Variants in KCNK2 observed in about 807,000 individuals in gnomAD.
The protein encoded by KCNK2 is potassium two pore domain channel subfamily K member 2.
KCNK2 carries 21 observed loss-of-function variants against 40.5 expected under a neutral mutation model. The observed-to-expected ratio is 0.52, with a 90% confidence interval of 0.37 to 0.75. KCNK2 has a LOEUF of 0.75. KCNK2 is among the 30% of genes least tolerant of loss of function. The pLI, the probability that KCNK2 is intolerant of heterozygous loss-of-function variation, is 0.00. For missense variants in KCNK2, 399 were observed against 531.6 expected (o/e 0.75, Z 2.45); for synonymous variants, 191 against 202.2 (o/e 0.94, Z 0.47).
intron 2 of KCNK2, among the ~76,000 whole-genome samples, chr1:215,093,148 G>C (rs1571901456): frequency 6.6e-6 from 1 of 151,788 alleles, no homozygotes; most frequent in East Asian, 1.9e-4. Flanking sequence ...GAAATGAACA[G>C]AGATTCTAAT....
upstream of KCNK2, among the ~76,000 whole-genome samples, chr1:215,078,739 T>C (rs1281888907): frequency 6.6e-6 from 1 of 152,238 alleles, no homozygotes; most frequent in Non-Finnish European, 1.5e-5. Context: ...CTGTCTCACT[T>C]TGATTCTTAC....
At chr1:215,117,541 G>T (rs1660999912) in intron 2 of KCNK2, among the ~76,000 whole-genome samples, 1 of 152,052 alleles carries the variant, frequency 6.6e-6, no homozygotes, top group Non-Finnish European at 1.5e-5. Context: ...TATACACACT[G>T]TTCATCAAAA....
intron 1 of KCNK2, among the ~76,000 whole-genome samples, chr1:215,038,099 C>T (rs2102490595): frequency 6.6e-6 from 1 of 152,118 alleles, no homozygotes; most frequent in South Asian, 2.1e-4. Flanking sequence ...AAAATTCAGT[C>T]TACCTTTTTA....
At chr1:215,176,850 A>G (rs1299036345) in intron 5 of KCNK2, among the ~76,000 whole-genome samples, 1 of 152,168 alleles carries the variant, frequency 6.6e-6, no homozygotes, top group East Asian at 1.9e-4. Flanking sequence ...TTGGGTATAC[A>G]CCCAGTAATG....
chr1:215,221,019 G>T (rs541785602), intron 6 of KCNK2, among the ~76,000 whole-genome samples: 1 of 152,260 alleles, frequency 6.6e-6, no homozygotes, highest in Non-Finnish European at 1.5e-5. Context: ...CAGGAGTGAG[G>T]GGCACTGACC....
chr1:215,205,259 A>G (rs565211657), intron 6 of KCNK2, among the ~76,000 whole-genome samples: 1 of 151,728 alleles, frequency 6.6e-6, no homozygotes, highest in Non-Finnish European at 1.5e-5. Context: ...TTTTTTTTTG[A>G]CAGAGTCTCA....
At chr1:215,013,210 C>T (rs1182479594) in intron 1 of KCNK2, among the ~76,000 whole-genome samples, 4 of 151,928 alleles carry the variant, frequency 2.6e-5, no homozygotes, top group East Asian at 3.9e-4. Context: ...TATGAATGTC[C>T]GATTGTATTA....
chr1:215,109,779 CT>C (rs1451231283), intron 2 of KCNK2, among the ~76,000 whole-genome samples: 14 of 152,002 alleles, frequency 9.2e-5, no homozygotes, highest in Non-Finnish European at 2.1e-4. Context: ...TTCTATTCAG[CT>C]TTTTGAGAAT....
In KCNK2 at chr1:215,092,739, C is replaced by T. The variant is rs138556375; in HGVS notation, c.357+6061C>T. ...GTGTTTCCTGCGTAACCAGTTCCAG[C>T]GACATAGCTCCCCAGAGTCTCACCA... On this transcript the variant is annotated intron_variant, in intron 2 of 6. Coordinates refer to ENST00000444842, the MANE Select transcript of KCNK2 (RefSeq NM_001017425.3). Among the ~76,000 whole-genome samples the T allele has an allele frequency of 2.5e-3, 378 of 152,242 alleles. 2 individuals carry two copies. The highest frequency in any genetic ancestry group is 4.0e-3 in the Non-Finnish European group (274 of 68,020).
chr1:215,045,202 C>CA (rs1221869195), intron 1 of KCNK2, among the ~76,000 whole-genome samples: 1 of 34,458 alleles, frequency 2.9e-5, no homozygotes, highest in East Asian at 3.4e-3. Flanking sequence ...AACAAACAAA[C>CA]AAAAACCAAA....
intron 2 of KCNK2, among the ~76,000 whole-genome samples, chr1:215,088,898 A>G (rs538149223): frequency 9.2e-5 from 14 of 152,274 alleles, no homozygotes; most frequent in East Asian, 7.7e-4. Context: ...TATCAATTCA[A>G]TATTTTTCAG....
At chr1:215,143,422 A>G (rs1662274366) in intron 3 of KCNK2, among the ~76,000 whole-genome samples, 1 of 152,170 alleles carries the variant, frequency 6.6e-6, no homozygotes, top group Non-Finnish European at 1.5e-5. Flanking sequence ...AAATTATGGC[A>G]TTAGATTGAA....
intron 6 of KCNK2, among the ~76,000 whole-genome samples, chr1:215,228,410 C>T (rs191096998): frequency 1.3e-5 from 2 of 152,260 alleles, no homozygotes; most frequent in Admixed American, 6.5e-5. Flanking sequence ...CCAGTAGAGT[C>T]GGAGAACAAG....
At chr1:215,052,502 A>G (rs147048480) in intron 1 of KCNK2, among the ~76,000 whole-genome samples, 1 of 152,332 alleles carries the variant, frequency 6.6e-6, no homozygotes, top group East Asian at 1.9e-4. Context: ...ACTTGCTATT[A>G]GATTCAGTGG....
At chr1:215,047,829 G>T (rs1010590534) in intron 1 of KCNK2, among the ~76,000 whole-genome samples, 1 of 152,070 alleles carries the variant, frequency 6.6e-6, no homozygotes, top group African/African-American at 2.4e-5. Context: ...TATATTCTAT[G>T]TCTATAGATA....
chr1:215,126,972 C>G (rs1661466207), intron 3 of KCNK2, among the ~76,000 whole-genome samples: 1 of 152,124 alleles, frequency 6.6e-6, no homozygotes, highest in Non-Finnish European at 1.5e-5. Context: ...TTGGCCTCTT[C>G]CCTAAGTGTG....
intron 1 of KCNK2, among the ~76,000 whole-genome samples, chr1:215,066,923 G>T (rs1409822993): frequency 6.6e-6 from 1 of 152,094 alleles, no homozygotes; most frequent in Non-Finnish European, 1.5e-5. Flanking sequence ...AAATTCATAT[G>T]ATATAATTTT....
chr1:215,023,293 C>G (rs1438404133), intron 1 of KCNK2, among the ~76,000 whole-genome samples: 1 of 152,132 alleles, frequency 6.6e-6, no homozygotes, highest in Non-Finnish European at 1.5e-5. Flanking sequence ...TGGGCTCAGG[C>G]CAGCCCTCTA....
intron 3 of KCNK2, among the ~76,000 whole-genome samples, chr1:215,148,654 A>G (rs1373207027): frequency 6.6e-6 from 1 of 152,184 alleles, no homozygotes; most frequent in Non-Finnish European, 1.5e-5. Context: ...TCTGCTCCCA[A>G]CAAGTTTATG....
Sources: gnomAD v4.1 joint callset for allele counts (sites outside exome capture counted in the v4.1 genomes callset) on GRCh38, gnomAD v4.1.1 for gene constraint, MANE v1.5 for transcripts, NCBI Gene and HGNC (gene_info 2026-07-23, HGNC 2026-07-21) for gene names.